Variants in DIS3L observed in about 807,000 individuals in gnomAD.
DIS3L encodes DIS3 like exosome 3'-5' exoribonuclease, also known as DIS3-like exonuclease 1.
DIS3L carries 100 observed loss-of-function variants against 120.3 expected under a neutral mutation model. That is an observed-to-expected ratio of 0.83 (90% CI 0.71 to 0.98). The LOEUF is 0.98. Ranked by LOEUF, DIS3L falls within the 50% of genes least tolerant of loss-of-function variation. The pLI, the probability that DIS3L is intolerant of heterozygous loss-of-function variation, is 0.00. For missense variants in DIS3L, 1,196 were observed against 1,314.2 expected, an observed-to-expected ratio of 0.91 and a Z score of 1.39; for synonymous variants, 426 against 470.6, an observed-to-expected ratio of 0.91 and a Z score of 1.23.
chr15:66,308,824 G>A lies in DIS3L; in HGVS notation c.538G>A (p.Val180Ile). Reference sequence around the variant, plus strand: ...GCAGTATGGAAGTGAAACAGAAGGAGTATTCGTGATTACTTTCAAGGTATT... The same window carrying A: ...GCAGTATGGAAGTGAAACAGAAGGAATATTCGTGATTACTTTCAAGGTATT... ...IQQYGSETEG[V>I]FVITFKNYLD... The change falls in exon 4 of 17, where the codon GTA becomes ATA. Residue 180 changes from valine to isoleucine, a missense_variant. Coordinates refer to ENST00000319212, the MANE Select transcript of DIS3L (RefSeq NM_001143688.3). 1.2e-6 allele frequency: 2 copies of A among 1,612,956 alleles called. No individual in the cohort carries two copies. The highest frequency in any genetic ancestry group is 8.5e-7 in the Non-Finnish European group (1 of 1,179,384).
Position 66,333,120 on chromosome 15 carries a change from G to T in DIS3L, c.2973G>T (p.Leu991Phe), listed in dbSNP as rs1471834143. The T allele has an allele frequency of 6.2e-7, 1 of 1,613,460 alleles. No homozygotes were observed. Among genetic ancestry groups the T allele is most frequent in the Admixed American group, 1.7e-5 (1 of 59,990 alleles). The change falls in exon 17 of 17, where the codon TTG becomes TTT. Residue 991 changes from leucine to phenylalanine, a missense_variant. Transcript: ENST00000319212. ...AACTTATTCATCAGAGTTCCCCCTTGCTGAAGAGTGAGTTAGTGAAAGAAG... is the reference window on the plus strand; with the variant it reads ...AACTTATTCATCAGAGTTCCCCCTTTCTGAAGAGTGAGTTAGTGAAAGAAG... ...NTELIHQSSPLLKSELVKEVT... is the reference protein window; with the variant it reads ...NTELIHQSSPFLKSELVKEVT...
At chr15:66,315,352 GTATAA>G (rs2092806989) in intron 7 of DIS3L, 137 bp downstream of exon 7, 8 of 847,990 alleles carry the variant, frequency 9.4e-6, no homozygotes, top group Non-Finnish European at 1.2e-5. Flanking sequence ...TATTTATTGT[GTATAA>G]TATGATGATT....
chr15:66,297,734 G>A (rs1222157920), intron 2 of DIS3L, among the ~76,000 whole-genome samples: 1 of 152,126 alleles, frequency 6.6e-6, no homozygotes, highest in African/African-American at 2.4e-5. Flanking sequence ...AACATTCTTG[G>A]TTAGGAAAGT....
intron 8 of DIS3L, among the ~76,000 whole-genome samples, chr15:66,319,602 A>C (rs2092858392): frequency 6.6e-6 from 1 of 152,230 alleles, no homozygotes; most frequent in Non-Finnish European, 1.5e-5. Context: ...GCCCAATTTA[A>C]TTCCCCCTGA....
At chr15:66,326,883 T>G (rs376995308) in intron 12 of DIS3L, among the ~76,000 whole-genome samples, 6 of 150,676 alleles carry the variant, frequency 4.0e-5, no homozygotes, top group Non-Finnish European at 8.9e-5. Flanking sequence ...CACTGGACAT[T>G]TAGGCATAAT....
rs2092844120 is a variant in DIS3L, at chr15:66,318,470, A to G, written c.1016A>G (p.Gln339Arg). 1 of 1,613,908 alleles carries G rather than the reference A, an allele frequency of 6.2e-7. No homozygotes were observed. Among genetic ancestry groups the G allele is most frequent in the African/African-American group, 1.3e-5 (1 of 74,914 alleles). ...AAAGGTCGAGTGGTGGGCATACTTC[A>G]GAAGAACTGGCGGGATTATGTGGTG... ...MPTGRVVGILQKNWRDYVVTF... is the reference protein window; with the variant it reads ...MPTGRVVGILRKNWRDYVVTF... The change falls in exon 8 of 17, where the codon CAG becomes CGG. Residue 339 changes from glutamine (Q) to arginine (R), a missense_variant. Transcript: ENST00000319212.
chr15:66,306,527 A>C (rs1234486763), intron 2 of DIS3L, among the ~76,000 whole-genome samples: 2 of 152,176 alleles, frequency 1.3e-5, no homozygotes, highest in Non-Finnish European at 2.9e-5. Flanking sequence ...AAGGTGGTAT[A>C]ATTACATAAT....
intron 7 of DIS3L, among the ~76,000 whole-genome samples, chr15:66,317,728 G>A (rs545303469): frequency 6.6e-6 from 1 of 151,974 alleles, no homozygotes; most frequent in African/African-American, 2.4e-5. Context: ...TATAGACCCA[G>A]CTACCCAGGA....
intron 9 of DIS3L, 80 bp downstream of exon 9, chr15:66,320,812 T>A (rs2092875846): frequency 6.6e-7 from 1 of 1,526,058 alleles, no homozygotes; most frequent in East Asian, 2.3e-5. Flanking sequence ...GAAAGAAAAG[T>A]CTTTGTGCTG....
At position 66,333,091 on chromosome 15, in the gene DIS3L, A is replaced by C; in HGVS notation, c.2944A>C (p.Thr982Pro). 2 of 1,613,442 alleles carry C rather than the reference A, an allele frequency of 1.2e-6. No homozygotes were observed. Among genetic ancestry groups the C allele is most frequent in the East Asian group, 2.2e-5 (1 of 44,878 alleles). ...ISNKPYKIPN[T>P]ELIHQSSPLL... is the part of the protein sequence containing the mutation. Reference sequence around the variant, plus strand: ...TAACAAACCATACAAGATACCAAATACAGAACTTATTCATCAGAGTTCCCC... The same window carrying C: ...TAACAAACCATACAAGATACCAAATCCAGAACTTATTCATCAGAGTTCCCC... The change falls in exon 17 of 17, where the codon ACA becomes CCA. Residue 982 changes from threonine (T) to proline (P), a missense_variant. By Grantham distance (38) the Thr-to-Pro change is conservative (BLOSUM62 -1). Transcript: ENST00000319212.
intron 2 of DIS3L, among the ~76,000 whole-genome samples, chr15:66,306,511 C>T (rs1315415552): frequency 1.3e-5 from 2 of 152,144 alleles, no homozygotes; most frequent in Admixed American, 1.3e-4. Context: ...AGGGGCTAGG[C>T]AGGGCAAGGT....
intron 2 of DIS3L, among the ~76,000 whole-genome samples, chr15:66,302,098 C>T (rs899475337): frequency 9.2e-5 from 14 of 151,998 alleles, no homozygotes; most frequent in Non-Finnish European, 2.1e-4. Flanking sequence ...TGGGTCTGCA[C>T]GGTGGCTCAC....
chr15:66,293,518 G>A, upstream of DIS3L: 1 of 1,278,604 alleles, frequency 7.8e-7, no homozygotes, highest in Non-Finnish European at 9.8e-7. Context: ...GCGGCGCCTA[G>A]GGCCGAGGGG....
intron 14 of DIS3L, chr15:66,330,253 C>T: frequency 1.0e-6 from 1 of 974,602 alleles, no homozygotes; most frequent in Non-Finnish European, 1.2e-6. Context: ...GCTGAGATTG[C>T]ACCACTGCAC....
rs141744824 is a variant in DIS3L, at chr15:66,329,123, C to T, written c.2355C>T (p.Tyr785=). 5.6e-6 allele frequency: 9 copies of T among 1,610,328 alleles called. No individual in the cohort carries two copies. The African/African-American group carries it at 9.3e-5, about 17-fold the overall frequency. ...GSCAEEEFHH[Y]GLALDKYTHF... is the part of the protein sequence containing the mutation. ...GTGCGGAGGAGGAGTTCCATCATTACGGTGAATCATACCATATTCCTATGT... is the reference window on the plus strand; with the variant it reads ...GTGCGGAGGAGGAGTTCCATCATTATGGTGAATCATACCATATTCCTATGT... The change falls in exon 13 of 17, where the codon TAC becomes TAT. Residue 785 remains tyrosine (Y), a splice_region_variant and synonymous_variant. Coordinates refer to ENST00000319212, the MANE Select transcript of DIS3L (RefSeq NM_001143688.3).
Position 66,318,060 on chromosome 15 carries a change from G to A in DIS3L, c.995-389G>A, listed in dbSNP as rs561476876. 1.1e-4 allele frequency among the ~76,000 whole-genome samples: 16 copies of A among 152,074 alleles called. No individual in the cohort carries two copies. The South Asian group carries it at 2.7e-3, about 26-fold the overall frequency. Reference sequence around the variant, plus strand: ...TGCATCTCGGCTCACTGCAAGTTCCGCCTCCCAGGTTCAGGCGATTCTCCT... The same window carrying A: ...TGCATCTCGGCTCACTGCAAGTTCCACCTCCCAGGTTCAGGCGATTCTCCT... On this transcript the variant is annotated intron_variant, in intron 7 of 16. Transcript: ENST00000319212.
chr15:66,310,284 G>A (rs994512467), intron 4 of DIS3L, among the ~76,000 whole-genome samples: 1 of 152,168 alleles, frequency 6.6e-6, no homozygotes, highest in African/African-American at 2.4e-5. Context: ...GGATATTAAT[G>A]GCAGTGTCAC....
chr15:66,326,172 T>G lies in DIS3L; in HGVS notation c.2009T>G (p.Ile670Ser). Residue 670 changes from isoleucine to serine, a missense_variant, in exon 12 of 17, where the codon ATC (isoleucine) becomes AGC (serine). By Grantham distance (142) the Ile-to-Ser change is moderately radical. Coordinates refer to ENST00000319212, the MANE Select transcript of DIS3L (RefSeq NM_001143688.3). Reference sequence around the variant, plus strand: ...GACAAAAAGAACATTCACGACCTCATCCCCAAGCAGCCCCTGGAAGTCCAC... The same window carrying G: ...GACAAAAAGAACATTCACGACCTCAGCCCCAAGCAGCCCCTGGAAGTCCAC... ...LDDKKNIHDL[I>S]PKQPLEVHET... is the part of the protein sequence containing the mutation. The G allele has an allele frequency of 6.2e-7, 1 of 1,614,096 alleles. No homozygotes were observed. Among genetic ancestry groups the G allele is most frequent in the East Asian group, 2.2e-5 (1 of 44,876 alleles).
rs768591060 is a variant in DIS3L, at chr15:66,329,388, A to G, written c.2524A>G (p.Asn842Asp). The G allele has an allele frequency of 6.2e-7, 1 of 1,600,254 alleles. No homozygotes were observed. Among genetic ancestry groups the G allele is most frequent in the Non-Finnish European group, 8.5e-7 (1 of 1,175,580 alleles). The change falls in exon 14 of 17, where the codon AAC becomes GAC. Residue 842 changes from asparagine to aspartate, a missense_variant. Asn to Asp is a conservative substitution (Grantham distance 23). Transcript: ENST00000319212. ...DLEELCRHINNRNQAAQHSQK... is the reference protein window; with the variant it reads ...DLEELCRHINDRNQAAQHSQK... ...TGAGGAATTATGCAGACATATCAAC[A>G]ACAGAAACCAAGTAAGAGGGAATTT...
Sources: gnomAD v4.1 joint callset for allele counts (sites outside exome capture counted in the v4.1 genomes callset) on GRCh38, gnomAD v4.1.1 for gene constraint, MANE v1.5 for transcripts, NCBI Gene and HGNC (gene_info 2026-07-23, HGNC 2026-07-21) for gene names.